ARMC9: variants seen among roughly 807,000 people sequenced by gnomAD.
ARMC9 encodes lisH domain-containing protein ARMC9.
In ARMC9, 94 loss-of-function variants were observed where a neutral mutation model predicts 107.0. The ratio of observed to expected loss-of-function variants is 0.88; its 90% CI spans 0.74 to 1.04. ARMC9 has a LOEUF of 1.04. Ranked by LOEUF, ARMC9 falls within the 50% of genes least tolerant of loss-of-function variation. ARMC9 has a pLI of 0.00. For synonymous variants in ARMC9, 380 were observed against 396.9 expected (o/e 0.96, Z 0.51); for missense variants, 942 against 1,030.1 (o/e 0.91, Z 1.17).
In ARMC9 at chr2:231,360,655, G is replaced by A. The variant is rs1559504396; in HGVS notation, c.2132-99G>A. On this transcript the variant is annotated intron_variant, in intron 22 of 24. Transcript: ENST00000611582. The surrounding 1 kb of genome is among the most constrained non-coding windows in gnomAD (Gnocchi z 4.7). ...GGGAGCCCGCAGGGCCTGGCCTGGG[G>A]TGCGTGCTTTTCTTGGCTTTCCAAC... The A allele has an allele frequency of 3.3e-6, 5 of 1,519,218 alleles. No homozygotes were observed. Among genetic ancestry groups the A allele is most frequent in the Non-Finnish European group, 4.4e-6 (5 of 1,132,248 alleles). 94.1% of individuals were successfully genotyped at this position (1,519,218 alleles called of 1,614,324 possible). A position where few individuals can be genotyped will look rare whatever the true frequency, so the allele number is the denominator to read the frequency against.
intron 21 of ARMC9, among the ~76,000 whole-genome samples, chr2:231,351,591 A>G (rs2045083882): frequency 6.6e-6 from 1 of 152,124 alleles, no homozygotes; most frequent in Non-Finnish European, 1.5e-5. Context: ...TTAGCAAATG[A>G]GAAACCTTTT....
intron 19 of ARMC9, among the ~76,000 whole-genome samples, chr2:231,328,389 C>A (rs777857672): frequency 6.6e-6 from 1 of 152,228 alleles, no homozygotes; most frequent in South Asian, 2.1e-4. Flanking sequence ...TTTCACCGAA[C>A]AAGTTTTTAA....
intron 19 of ARMC9, among the ~76,000 whole-genome samples, chr2:231,326,537 C>T (rs533161159): frequency 9.9e-5 from 15 of 152,250 alleles, no homozygotes; most frequent in East Asian, 3.9e-4. Context: ...TAGAGTAAGT[C>T]GAATCCCCTT....
chr2:231,325,238 A>G (rs1478682276), intron 19 of ARMC9, among the ~76,000 whole-genome samples: 2 of 152,184 alleles, frequency 1.3e-5, no homozygotes, highest in Non-Finnish European at 2.9e-5. Flanking sequence ...AGAAAATAAT[A>G]ACAATAAATA....
rs148396817 is a variant in ARMC9 at position 231,324,763 on chromosome 2, A to C, written c.1774-7030A>C. Among the ~76,000 whole-genome samples the C allele has an allele frequency of 3.9e-3, 599 of 152,006 alleles. 2 individuals carry two copies. The highest frequency in any genetic ancestry group is 0.016 in the East Asian group (82 of 5,136). Reference sequence around the variant, plus strand: ...CATCTCTAAATAGATAACTAACTAAATAAATAAATAAATAAAATAAACCAA... The same window carrying C: ...CATCTCTAAATAGATAACTAACTAACTAAATAAATAAATAAAATAAACCAA... On this transcript the variant is annotated intron_variant, in intron 19 of 24. Transcript: ENST00000611582.
Position 231,372,535 on chromosome 2 carries a change from T to G in ARMC9, c.*1000T>G, listed in dbSNP as rs2046060663. The G allele has an allele frequency of 6.6e-6, 1 of 152,308 alleles. No homozygotes were observed. Among genetic ancestry groups the G allele is most frequent in the South Asian group, 2.1e-4 (1 of 4,828 alleles). The allele number at this position is 152,308 out of a possible 1,614,324, so 9.4% of individuals were successfully genotyped here. ...AACATAAACAGCTCTACCAGCAAAGTGACCCATCCCGCGGGGGAGGCCTGC... is the reference window on the plus strand; with the variant it reads ...AACATAAACAGCTCTACCAGCAAAGGGACCCATCCCGCGGGGGAGGCCTGC... On this transcript the variant is annotated 3_prime_UTR_variant, in exon 25 of 25. Transcript: ENST00000611582.
intron 17 of ARMC9, among the ~76,000 whole-genome samples, chr2:231,289,092 TCAG>T (rs1372789545): frequency 2.6e-5 from 4 of 152,238 alleles, no homozygotes; most frequent in Admixed American, 2.6e-4. Context: ...GTTATTACTT[TCAG>T]GATAAGATGT....
intron 19 of ARMC9, among the ~76,000 whole-genome samples, chr2:231,324,799 G>C (rs916652078): frequency 6.6e-6 from 1 of 151,584 alleles, no homozygotes; most frequent in African/African-American, 2.4e-5. Context: ...AATGAAGACA[G>C]GTACAGTGAC....
At chr2:231,302,046 C>T (rs1336960375) in intron 19 of ARMC9, among the ~76,000 whole-genome samples, 1 of 151,856 alleles carries the variant, frequency 6.6e-6, no homozygotes, top group East Asian at 1.9e-4. Context: ...TTAAGGTCTT[C>T]CCTAACCCTA....
intron 2 of ARMC9, 81 bp downstream of exon 2, chr2:231,206,370 T>TG (rs1289127646): frequency 1.8e-6 from 2 of 1,094,188 alleles, no homozygotes; most frequent in East Asian, 4.9e-5. Context: ...AACTATTTAG[T>TG]GCCTTGTAAT....
intron 22 of ARMC9, among the ~76,000 whole-genome samples, chr2:231,357,298 C>T (rs1287216044): frequency 6.6e-6 from 1 of 152,200 alleles, no homozygotes; most frequent in African/African-American, 2.4e-5. Flanking sequence ...CACCAGCCCC[C>T]AGATGGACCG....
chr2:231,328,971 C>A (rs371365270), intron 19 of ARMC9, among the ~76,000 whole-genome samples: 5 of 151,620 alleles, frequency 3.3e-5, no homozygotes, highest in African/African-American at 1.2e-4. Flanking sequence ...CCCACCACCA[C>A]GGCGGGCTAC....
intron 15 of ARMC9, 104 bp from the exon 16 acceptor site, chr2:231,278,278 G>C: frequency 4.5e-6 from 5 of 1,121,698 alleles, no homozygotes; most frequent in Non-Finnish European, 4.1e-6. Context: ...AGGTCATACA[G>C]CTCATGAGCA....
intron 16 of ARMC9, among the ~76,000 whole-genome samples, chr2:231,279,511 C>CTT (rs57779512): frequency 0.014 from 1,698 of 124,774 alleles, 36 homozygotes; most frequent in African/African-American, 0.037. Flanking sequence ...TTTCTTTTTT[C>CTT]TTTTTTTTTT....
chr2:231,359,811 T>C (rs1197888850), intron 22 of ARMC9, among the ~76,000 whole-genome samples: 1 of 152,196 alleles, frequency 6.6e-6, no homozygotes, highest in Non-Finnish European at 1.5e-5. Flanking sequence ...TGGGTTCTGG[T>C]ATCAGAAATA....
At chr2:231,245,510 T>G (rs992459144) in intron 9 of ARMC9, among the ~76,000 whole-genome samples, 27 of 152,162 alleles carry the variant, frequency 1.8e-4, no homozygotes, top group Non-Finnish European at 1.5e-5. Flanking sequence ...TACACAAATA[T>G]GTTAGCTAGA....
chr2:231,246,731 A>G (rs574391941), intron 9 of ARMC9, among the ~76,000 whole-genome samples: 2 of 152,262 alleles, frequency 1.3e-5, no homozygotes, highest in Non-Finnish European at 2.9e-5. Flanking sequence ...GCTGGGTCAA[A>G]TGGTAGTTCT....
At chr2:231,367,978 CAA>C (rs1180498778) in intron 23 of ARMC9, among the ~76,000 whole-genome samples, 12 of 95,682 alleles carry the variant, frequency 1.3e-4, no homozygotes, top group Admixed American at 2.2e-4. Context: ...AACTCCATTT[CAA>C]AAAAAAAAAA....
intron 19 of ARMC9, among the ~76,000 whole-genome samples, chr2:231,298,671 G>C (rs1473603685): frequency 6.6e-6 from 1 of 152,198 alleles, no homozygotes; most frequent in Non-Finnish European, 1.5e-5. Context: ...ATGGGGCCAG[G>C]CACGGTGGCT....
Sources: gnomAD v4.1 joint callset for allele counts (sites outside exome capture counted in the v4.1 genomes callset) on GRCh38, gnomAD v4.1.1 for gene constraint, Gnocchi (gnomAD v3.1) non-coding constraint, MANE v1.5 for transcripts, NCBI Gene and HGNC (gene_info 2026-07-23, HGNC 2026-07-21) for gene names.